Variants in MYO10 observed in about 807,000 individuals in gnomAD.
MYO10 encodes the protein unconventional myosin-X.
In MYO10, 133 loss-of-function variants were observed where a neutral mutation model predicts 257.3. That is an observed-to-expected ratio of 0.52 (90% CI 0.45 to 0.60). MYO10 has a LOEUF of 0.60. Ranked by LOEUF, MYO10 falls within the 20% of genes least tolerant of loss-of-function variation. The pLI is 0.00. For synonymous variants in MYO10, 1,104 were observed against 1,028.6 expected (o/e 1.07, Z -1.40); for missense variants, 2,399 against 2,635.7 (o/e 0.91, Z 1.97).
At position 16,699,593 on chromosome 5, in the gene MYO10, C is replaced by G. The variant is rs574707551; in HGVS notation, c.3433-20G>C. The G allele has an allele frequency of 4.3e-6, 7 of 1,612,764 alleles. No homozygotes were observed. The East Asian group carries it at 1.6e-4, about 36-fold the overall frequency. ...TTCAAACTGGACCGAGAGAGAGAAG[C>G]CAACGGTGAGGGAAAAGGCCACAAA... On this transcript the variant is annotated intron_variant, in intron 25 of 40. Transcript: ENST00000513610.
Position 16,710,982 on chromosome 5 carries a change from C to T in MYO10, c.2095G>A (p.Val699Ile), listed in dbSNP as rs567632918. The T allele has an allele frequency of 1.1e-4, 175 of 1,613,966 alleles. 2 individuals are homozygous for T. The South Asian group carries it at 1.7e-3, about 16-fold the overall frequency. Reference sequence around the variant, plus strand: ...AGCAGGCTCGTGCACTTCCCTCGGACGTCCTCAGGCAGAGCCAGATTCCTC... The same window carrying T: ...AGCAGGCTCGTGCACTTCCCTCGGATGTCCTCAGGCAGAGCCAGATTCCTC... ...LMRNLALPED[V>I]RGKCTSLLQL... Residue 699 changes from valine to isoleucine, a missense_variant, in exon 21 of 41, where the codon GTC becomes ATC. Around this residue, in one of 3 missense-constraint regions of MYO10, gnomAD observed 1,820 missense variants for 1,939.4 expected, o/e 0.94. Coordinates refer to ENST00000513610, the MANE Select transcript of MYO10 (RefSeq NM_012334.3).
chr5:16,777,569 A>G (rs1471135972), intron 9 of MYO10, among the ~76,000 whole-genome samples: 1 of 152,196 alleles, frequency 6.6e-6, no homozygotes, highest in Non-Finnish European at 1.5e-5. Flanking sequence ...GAAACCAGGT[A>G]TTACTGCATC....
chr5:16,779,764 A>G (rs958884673), intron 8 of MYO10, 116 bp from the exon 9 acceptor site: 4 of 555,230 alleles, frequency 7.2e-6, no homozygotes, highest in Non-Finnish European at 1.2e-5. Context: ...ACAGTCTCCC[A>G]TAAAGATAAT....
intron 1 of MYO10, among the ~76,000 whole-genome samples, chr5:16,883,869 T>G (rs959046215): frequency 1.3e-5 from 2 of 152,214 alleles, no homozygotes; most frequent in Non-Finnish European, 2.9e-5. Flanking sequence ...GACAGTGGAC[T>G]TTAAATACCA....
Position 16,794,629 on chromosome 5 carries a change from G to A in MYO10, c.467+17C>T. 1.3e-6 allele frequency: 2 copies of A among 1,595,204 alleles called. No individual in the cohort carries two copies. Among genetic ancestry groups the A allele is most frequent in the Non-Finnish European group, 1.7e-6 (2 of 1,170,164 alleles). On this transcript the variant is annotated intron_variant, in intron 4 of 40. Coordinates refer to ENST00000513610, the MANE Select transcript of MYO10 (RefSeq NM_012334.3). ...CCTGGGCCATGGGAAAGTCCGACTG[G>A]CTGTGAGCCCCGTTACCTGATGAGG...
At chr5:16,683,803 G>A (rs569248359) in intron 30 of MYO10, 77 bp downstream of exon 30, 335 of 1,449,604 alleles carry the variant, frequency 2.3e-4, no homozygotes, top group South Asian at 1.6e-3. Context: ...GAAGAGGGTC[G>A]TGACCCAGCA....
At position 16,874,208 on chromosome 5, in the gene MYO10, C is replaced by T. The variant is rs181062730; in HGVS notation, c.120+3401G>A. On this transcript the variant is annotated intron_variant, in intron 2 of 40. Transcript: ENST00000513610. ...AATTAGCTGGGCATGGTGGCAGGCG[C>T]CTGTAGTCCCAGCTACTCAGGAGGC... Among the ~76,000 whole-genome samples, 604 of 151,984 alleles carry T rather than the reference C, an allele frequency of 4.0e-3. 3 individuals are homozygous for T. The highest frequency in any genetic ancestry group is 0.014 in the African/African-American group (566 of 41,468).
chr5:16,881,047 C>A (rs1378421192), intron 1 of MYO10, among the ~76,000 whole-genome samples: 1 of 152,178 alleles, frequency 6.6e-6, no homozygotes, highest in Non-Finnish European at 1.5e-5. Context: ...AAGGCAAGAA[C>A]TTTTACTCAT....
At chr5:16,684,006 T>G in intron 29 of MYO10, 71 bp from the exon 30 acceptor site, 1 of 1,367,786 alleles carries the variant, frequency 7.3e-7, no homozygotes, top group Non-Finnish European at 1.0e-6. Context: ...GTAATACCTC[T>G]AGCCCACAAC....
At chr5:16,719,337 C>G (rs929133120) in intron 19 of MYO10, among the ~76,000 whole-genome samples, 7 of 152,196 alleles carry the variant, frequency 4.6e-5, no homozygotes, top group African/African-American at 1.7e-4. Flanking sequence ...CACAATACCC[C>G]CTCCTTGGGT....
chr5:16,841,734 A>C (rs1580061923), intron 2 of MYO10, among the ~76,000 whole-genome samples: 1 of 152,188 alleles, frequency 6.6e-6, no homozygotes, highest in Non-Finnish European at 1.5e-5. Context: ...TAACAATGGA[A>C]GCTGACTTGT....
chr5:16,808,873 T>A (rs767962029), intron 3 of MYO10, among the ~76,000 whole-genome samples: 18 of 151,964 alleles, frequency 1.2e-4, no homozygotes, highest in Non-Finnish European at 1.3e-4. Flanking sequence ...GGTTTCACCA[T>A]GTTGGCCAGG....
chr5:16,917,809 G>A (rs548406341), intron 1 of MYO10, among the ~76,000 whole-genome samples: 13 of 152,220 alleles, frequency 8.5e-5, no homozygotes, highest in Non-Finnish European at 1.3e-4. Context: ...CAGGAGGTCC[G>A]GGGTATAGTG....
At chr5:16,806,658 A>AC (rs1373048358) in intron 3 of MYO10, among the ~76,000 whole-genome samples, 1 of 151,410 alleles carries the variant, frequency 6.6e-6, no homozygotes, top group Non-Finnish European at 1.5e-5. Context: ...AAAAAAAAAA[A>AC]AAATCAAGTA....
chr5:16,680,840 T>C (rs1032234746), intron 32 of MYO10, among the ~76,000 whole-genome samples: 2 of 151,944 alleles, frequency 1.3e-5, no homozygotes, highest in South Asian at 4.2e-4. Context: ...CCAAAAAGTA[T>C]AAAAATTAGC....
At chr5:16,853,761 T>C (rs1743880556) in intron 2 of MYO10, among the ~76,000 whole-genome samples, 2 of 152,196 alleles carry the variant, frequency 1.3e-5, no homozygotes, top group African/African-American at 4.8e-5. Context: ...ATGACATCCA[T>C]TCTTCACAGT....
At chr5:16,683,646 A>G (rs1034652538) in intron 30 of MYO10, among the ~76,000 whole-genome samples, 1 of 152,174 alleles carries the variant, frequency 6.6e-6, no homozygotes, top group Non-Finnish European at 1.5e-5. Context: ...AAAATTGTCC[A>G]GGTTCCCACG....
Position 16,884,931 on chromosome 5 carries a change from C to T in MYO10, c.22-7224G>A, listed in dbSNP as rs114047207. Among the ~76,000 whole-genome samples the T allele has an allele frequency of 5.0e-3, 762 of 152,228 alleles. 9 individuals carry two copies. Among genetic ancestry groups the T allele is most frequent in the African/African-American group, 0.018 (728 of 41,548 alleles). On this transcript the variant is annotated intron_variant, in intron 1 of 40. Transcript: ENST00000513610. ...GGCCAAACTGAAGGTGTTTACAAAA[C>T]CATTCACTGTCAGTGACCTAGTTAA...
At chr5:16,764,454 G>A in intron 11 of MYO10, 58 bp from the exon 12 acceptor site, 1 of 1,594,232 alleles carries the variant, frequency 6.3e-7, no homozygotes, top group South Asian at 1.1e-5. Flanking sequence ...GACAGGCAAG[G>A]CCATCCATTC....
Sources: allele counts gnomAD v4.1 joint callset (sites outside exome capture counted in the v4.1 genomes callset), GRCh38; gene constraint gnomAD v4.1.1; regional missense constraint gnomAD v4.1.1; transcripts MANE v1.5; gene names NCBI Gene and HGNC (gene_info 2026-07-23, HGNC 2026-07-21).